The following NFATC1 variants were observed in gnomAD, a reference collection of about 807,000 sequenced individuals.
NFATC1 encodes the protein nuclear factor of activated T-cells, cytoplasmic 1.
In NFATC1, 22 loss-of-function variants were observed where a neutral mutation model predicts 76.0. The ratio of observed to expected loss-of-function variants is 0.29; its 90% confidence interval spans 0.21 to 0.41. The LOEUF (loss-of-function observed/expected upper bound fraction) is 0.41, where lower values mean the gene tolerates loss of function less well. NFATC1 is among the 10% of genes least tolerant of loss of function. NFATC1 has a pLI of 1.00. For missense variants in NFATC1, 1,357 were observed against 1,337.7 expected, an observed-to-expected ratio of 1.01 and a Z score of -0.23; for synonymous variants, 704 against 613.1, an observed-to-expected ratio of 1.15 and a Z score of -2.19.
chr18:79,433,803 C>G (rs1023456636), intron 3 of NFATC1, 65 bp downstream of exon 3: 5 of 1,559,696 alleles, frequency 3.2e-6, no homozygotes, highest in African/African-American at 2.7e-5. Flanking sequence ...AACTTTGGAG[C>G]CACAGCTAAC....
In NFATC1 at chr18:79,406,237, G is replaced by A. The variant is rs577607557; in HGVS notation, c.128-4166G>A. On this transcript the variant is annotated intron_variant, in intron 1 of 9. Transcript: ENST00000427363. ...TGGTAGTTCAGCTGTGGGATCAGCT[G>A]TCTTGGAAATAAATACTCTTTTGAT... 7.9e-5 allele frequency among the ~76,000 whole-genome samples: 12 copies of A among 152,372 alleles called. 1 individual carries two copies. Among genetic ancestry groups the A allele is most frequent in the Admixed American group, 6.5e-4 (10 of 15,304 alleles).
At chr18:79,437,145 C>T (rs770897604) in intron 3 of NFATC1, among the ~76,000 whole-genome samples, 1 of 152,234 alleles carries the variant, frequency 6.6e-6, no homozygotes, top group East Asian at 1.9e-4. Flanking sequence ...CTGGCGGGAC[C>T]TCGGCCATGG....
chr18:79,400,507 G>T (rs1428550906), intron 1 of NFATC1: 3 of 1,397,546 alleles, frequency 2.1e-6, no homozygotes, highest in Non-Finnish European at 1.9e-6. Flanking sequence ...GGCGCGGGGG[G>T]CGCGGGGCCA....
At chr18:79,402,225 A>G in intron 1 of NFATC1, 4 of 534,600 alleles carry the variant, frequency 7.5e-6, no homozygotes, top group Non-Finnish European at 9.6e-6. Context: ...GACGCACAGG[A>G]GGCCAGTCTC....
chr18:79,479,815 G>A (rs2089210496), intron 8 of NFATC1, among the ~76,000 whole-genome samples: 1 of 152,238 alleles, frequency 6.6e-6, no homozygotes, highest in Non-Finnish European at 1.5e-5. Context: ...GTGCCCCTTA[G>A]GGCAAGGACA....
chr18:79,454,654 G>C lies in NFATC1; in HGVS notation c.1903+2838G>C, dbSNP rs115834395. Reference sequence around the variant, plus strand: ...GCGCAAAAGGCCGGGAGCGGAGTCAGCCTTTCTCTGAGGACTTAGTTTACA... The same window carrying C: ...GCGCAAAAGGCCGGGAGCGGAGTCACCCTTTCTCTGAGGACTTAGTTTACA... On this transcript the variant is annotated intron_variant, in intron 6 of 9. Transcript: ENST00000427363. 3.5e-3 allele frequency among the ~76,000 whole-genome samples: 532 copies of C among 152,332 alleles called. 3 individuals are homozygous for C. Among genetic ancestry groups the C allele is most frequent in the African/African-American group, 0.012 (485 of 41,582 alleles).
intron 6 of NFATC1, among the ~76,000 whole-genome samples, chr18:79,460,059 A>G (rs918370234): frequency 6.6e-6 from 1 of 152,166 alleles, no homozygotes; most frequent in Non-Finnish European, 1.5e-5. Context: ...GCCAGGCTCT[A>G]TCGAGTGGGT....
Position 79,433,562 on chromosome 18 carries a change from G to A in NFATC1, c.1227-17G>A. The A allele has an allele frequency of 6.2e-7, 1 of 1,612,636 alleles. No homozygotes were observed. Among genetic ancestry groups the A allele is most frequent in the Non-Finnish European group, 8.5e-7 (1 of 1,179,910 alleles). On this transcript the variant is annotated splice_polypyrimidine_tract_variant and intron_variant, in intron 2 of 9. Coordinates refer to ENST00000427363, the MANE Select transcript of NFATC1 (RefSeq NM_001278669.2). Reference sequence around the variant, plus strand: ...CTGTGTGGTGCTGAACGCCTCCTCTGCTCTGTTCCCTTCCAGCCCGACCCT... The same window carrying A: ...CTGTGTGGTGCTGAACGCCTCCTCTACTCTGTTCCCTTCCAGCCCGACCCT...
chr18:79,405,360 G>C (rs1042095989), intron 1 of NFATC1, among the ~76,000 whole-genome samples: 1 of 152,244 alleles, frequency 6.6e-6, no homozygotes, highest in Non-Finnish European at 1.5e-5. Flanking sequence ...TGGGGTCACC[G>C]AGCTCTGTGG....
intron 1 of NFATC1, among the ~76,000 whole-genome samples, chr18:79,405,244 C>T (rs1325031722): frequency 6.6e-6 from 1 of 152,352 alleles, no homozygotes; most frequent in African/African-American, 2.4e-5. Flanking sequence ...AATGTGCTCT[C>T]CGCGATCATT....
chr18:79,521,136 GTC>G (rs1444017662), intron 9 of NFATC1, among the ~76,000 whole-genome samples: 5 of 86,418 alleles, frequency 5.8e-5, no homozygotes, highest in African/African-American at 1.1e-4. Context: ...TGATGTGTGT[GTC>G]TGTGTGTGTG....
At chr18:79,518,627 G>A (rs1168573042) in intron 9 of NFATC1, among the ~76,000 whole-genome samples, 4 of 152,334 alleles carry the variant, frequency 2.6e-5, no homozygotes, top group East Asian at 1.9e-4. Context: ...AGGAGCCACC[G>A]CTCATTGCCC....
rs142793865 is a variant in NFATC1, at chr18:79,455,014, G to A, written c.1903+3198G>A. Among the ~76,000 whole-genome samples the A allele has an allele frequency of 9.9e-5, 15 of 152,284 alleles. No individual in the cohort carries two copies. In the South Asian group the frequency reaches 2.3e-3, roughly 23 times the overall value. On this transcript the variant is annotated intron_variant, in intron 6 of 9. Transcript: ENST00000427363. ...CACTAACGTTCAACATAAACGAAAC[G>A]CCCGAAGAACGCCCGCGTGAAACGT...
intron 9 of NFATC1, among the ~76,000 whole-genome samples, chr18:79,505,856 G>A (rs1024581701): frequency 8.3e-5 from 12 of 144,942 alleles, no homozygotes; most frequent in Admixed American, 7.5e-4. Flanking sequence ...AGACTGCTGC[G>A]TGGGAGGAGG....
chr18:79,430,552 T>C (rs1463073269), intron 2 of NFATC1, among the ~76,000 whole-genome samples: 1 of 152,140 alleles, frequency 6.6e-6, no homozygotes, highest in Non-Finnish European at 1.5e-5. Flanking sequence ...CCAGCTAATT[T>C]TTGTATTTTT....
chr18:79,427,199 C>T (rs919984768), intron 2 of NFATC1, among the ~76,000 whole-genome samples: 2 of 152,184 alleles, frequency 1.3e-5, no homozygotes, highest in East Asian at 1.9e-4. Flanking sequence ...TTGTCCTTCA[C>T]GTAAAGTTTT....
intron 2 of NFATC1, chr18:79,422,122 A>G (rs2086113600): frequency 6.6e-6 from 1 of 152,086 alleles, no homozygotes; most frequent in South Asian, 2.1e-4. Context: ...GAAACCCCCA[A>G]GTTTCCCGTA....
chr18:79,440,540 G>A (rs922238785), intron 3 of NFATC1, among the ~76,000 whole-genome samples: 4 of 152,374 alleles, frequency 2.6e-5, no homozygotes, highest in South Asian at 2.1e-4. Context: ...CGCAGACACC[G>A]TGGTGCCCCT....
At chr18:79,504,445 A>C (rs2090080108) in intron 9 of NFATC1, among the ~76,000 whole-genome samples, 1 of 152,168 alleles carries the variant, frequency 6.6e-6, no homozygotes, top group Non-Finnish European at 1.5e-5. Context: ...GTCAGGACGC[A>C]CCCAGCTCTT....
Sources: allele counts gnomAD v4.1 joint callset (sites outside exome capture counted in the v4.1 genomes callset), GRCh38; gene constraint gnomAD v4.1.1; transcripts MANE v1.5; gene names NCBI Gene and HGNC (gene_info 2026-07-23, HGNC 2026-07-21).